DLGAP2: variants seen among roughly 807,000 people sequenced by gnomAD.
The protein encoded by DLGAP2 is DLG associated protein 2.
Under a neutral mutation model 100.3 loss-of-function variants are expected in DLGAP2, and 26 were observed. The observed-to-expected ratio is 0.26, with a 90% confidence interval of 0.19 to 0.36. The LOEUF (loss-of-function observed/expected upper bound fraction) is 0.36. DLGAP2 is among the 10% of genes least tolerant of loss of function. The pLI is 1.00. For missense variants in DLGAP2, 1,858 were observed against 1,453.2 expected, an observed-to-expected ratio of 1.28 and a Z score of -4.53; for synonymous variants, 886 against 630.1, an observed-to-expected ratio of 1.41 and a Z score of -6.08.
intron 6 of DLGAP2, among the ~76,000 whole-genome samples, chr8:1,620,917 C>T (rs1055318339): frequency 6.6e-6 from 1 of 152,214 alleles, no homozygotes; most frequent in Admixed American, 6.5e-5. Flanking sequence ...CCCCAAACTT[C>T]TCTCCCAGAA....
intron 2 of DLGAP2, among the ~76,000 whole-genome samples, chr8:1,083,621 G>A (rs1318341360): frequency 3.3e-5 from 5 of 152,156 alleles, no homozygotes; most frequent in Non-Finnish European, 7.4e-5. Context: ...GTGAAATGTT[G>A]AGAAAATCAG....
At chr8:1,688,325 G>GTGTT (rs1799166480) in intron 12 of DLGAP2, 3 of 152,238 alleles carry the variant, frequency 2.0e-5, no homozygotes, top group Admixed American at 2.0e-4. Context: ...CAAGGCCCCG[G>GTGTT]TGTTAAGATG....
Position 1,377,000 on chromosome 8 carries a change from A to G in DLGAP2, c.106+118117A>G, listed in dbSNP as rs916227445. ...ATTAACAGAGTGCATCAGGGACCAC[A>G]TGCTTCAGCAGAACCACAGTGTCAG... On this transcript the variant is annotated intron_variant, in intron 3 of 14. Coordinates refer to ENST00000637795, the MANE Select transcript of DLGAP2 (RefSeq NM_001346810.2). 6.6e-5 allele frequency among the ~76,000 whole-genome samples: 10 copies of G among 152,244 alleles called. 1 individual carries two copies. Among genetic ancestry groups the G allele is most frequent in the East Asian group, 3.9e-4 (2 of 5,192 alleles).
intron 3 of DLGAP2, among the ~76,000 whole-genome samples, chr8:1,460,029 T>G (rs1798429723): frequency 6.6e-6 from 1 of 152,176 alleles, no homozygotes; most frequent in Admixed American, 6.5e-5. Flanking sequence ...TTTCACGTTC[T>G]GGAATTGACA....
chr8:1,116,625 A>T (rs183483961), intron 2 of DLGAP2, among the ~76,000 whole-genome samples: 10 of 152,192 alleles, frequency 6.6e-5, no homozygotes, highest in African/African-American at 2.4e-4. Context: ...GCAAAACCCC[A>T]TCTCTACAAA....
intron 2 of DLGAP2, among the ~76,000 whole-genome samples, chr8:1,001,844 C>T (rs1041133790): frequency 1.3e-5 from 2 of 152,124 alleles, no homozygotes; most frequent in African/African-American, 4.8e-5. Context: ...CAGATCCTGG[C>T]CTGAGGGTCT....
chr8:1,191,013 G>A (rs1013600382), intron 2 of DLGAP2, among the ~76,000 whole-genome samples: 2 of 152,158 alleles, frequency 1.3e-5, no homozygotes, highest in Non-Finnish European at 2.9e-5. Flanking sequence ...GGGGAGCTAA[G>A]GGACCTGAGT....
chr8:1,268,224 ATT>A (rs967053497), intron 3 of DLGAP2, among the ~76,000 whole-genome samples: 1 of 152,188 alleles, frequency 6.6e-6, no homozygotes, highest in Non-Finnish European at 1.5e-5. Context: ...AATATTTTAT[ATT>A]TTTGGTCACT....
intron 2 of DLGAP2, among the ~76,000 whole-genome samples, chr8:908,501 A>G (rs1798423618): frequency 2.0e-5 from 3 of 152,152 alleles, no homozygotes; most frequent in South Asian, 2.1e-4. Context: ...TCATGGCAGG[A>G]TGGGCGTGTG....
At chr8:752,302 G>A (rs1340701951) in intron 1 of DLGAP2, among the ~76,000 whole-genome samples, 2 of 152,196 alleles carry the variant, frequency 1.3e-5, no homozygotes, top group East Asian at 1.9e-4. Flanking sequence ...ACCAGTGGGC[G>A]CAGAAGGCAA....
At chr8:1,554,784 G>A (rs903149303) in intron 5 of DLGAP2, among the ~76,000 whole-genome samples, 52 of 77,644 alleles carry the variant, frequency 6.7e-4, no homozygotes, top group African/African-American at 3.3e-3. Context: ...CCCCTCCCCC[G>A]CGCCCACCAC....
chr8:1,558,567 C>T (rs1397510182), intron 5 of DLGAP2, among the ~76,000 whole-genome samples: 2 of 151,974 alleles, frequency 1.3e-5, no homozygotes, highest in East Asian at 1.9e-4. Flanking sequence ...ATTACACATA[C>T]ACACACATAC....
intron 3 of DLGAP2, among the ~76,000 whole-genome samples, chr8:1,352,201 AC>A (rs1801748009): frequency 9.8e-6 from 1 of 102,204 alleles, no homozygotes; most frequent in Non-Finnish European, 2.0e-5. Flanking sequence ...GCGGGTCCTG[AC>A]TGTGTGTGGA....
At chr8:1,101,793 ACCCCT>A (rs1804592860) in intron 2 of DLGAP2, among the ~76,000 whole-genome samples, 1 of 26,932 alleles carries the variant, frequency 3.7e-5, no homozygotes, top group African/African-American at 1.9e-4. Flanking sequence ...GGTCCTCGTC[ACCCCT>A]GAGCCGAACA....
intron 2 of DLGAP2, among the ~76,000 whole-genome samples, chr8:975,964 A>G (rs527902262): frequency 6.6e-6 from 1 of 152,210 alleles, no homozygotes; most frequent in Non-Finnish European, 1.5e-5. Flanking sequence ...ATCAACAAAA[A>G]TTACCCTGAA....
chr8:1,708,004 C>A lies in DLGAP2; in HGVS notation c.*6598C>A, dbSNP rs1799750968. The A allele has an allele frequency of 6.6e-6, 1 of 152,616 alleles. No homozygotes were observed. The highest frequency in any genetic ancestry group is 1.5e-5 in the Non-Finnish European group (1 of 68,036). 9.5% of individuals were successfully genotyped at this position (152,616 alleles called of 1,614,324 possible). ...CATCACCACGACAATTTCTTACTTC[C>A]TCTTAATAACTTACCAGAATGTTGG... is the stretch of plus-strand genomic sequence containing the variant. On this transcript the variant is annotated 3_prime_UTR_variant, in exon 15 of 15. Transcript: ENST00000637795.
intron 3 of DLGAP2, among the ~76,000 whole-genome samples, chr8:1,284,262 A>G (rs741806): frequency 0.22 from 32,989 of 152,090 alleles, 4,290 homozygotes; most frequent in South Asian, 0.39. Flanking sequence ...TTTTTTGTTA[A>G]TATGCTTTTG....
intron 2 of DLGAP2, among the ~76,000 whole-genome samples, chr8:1,077,368 CTCG>C (rs1382189304): frequency 2.6e-5 from 4 of 152,194 alleles, no homozygotes; most frequent in African/African-American, 9.7e-5. Flanking sequence ...AAACACTCAG[CTCG>C]TCACACGGCA....
chr8:1,087,451 T>C (rs901789436), intron 2 of DLGAP2, among the ~76,000 whole-genome samples: 1 of 152,220 alleles, frequency 6.6e-6, no homozygotes, highest in Non-Finnish European at 1.5e-5. Context: ...CAGCATCAAA[T>C]TGTGTGTGAC....
Sources: allele counts gnomAD v4.1 joint callset (sites outside exome capture counted in the v4.1 genomes callset), GRCh38; gene constraint gnomAD v4.1.1; transcripts MANE v1.5; gene names NCBI Gene and HGNC (gene_info 2026-07-23, HGNC 2026-07-21).